ATP6V1C2: variants seen among roughly 807,000 people sequenced by gnomAD.
ATP6V1C2 encodes the protein ATPase H+ transporting V1 subunit C2.
ATP6V1C2 carries 45 observed loss-of-function variants against 56.8 expected under a neutral mutation model. That is an observed-to-expected ratio of 0.79 (90% CI 0.62 to 1.02). The LOEUF (loss-of-function observed/expected upper bound fraction) is 1.02, where lower values mean the gene tolerates loss of function less well. Ranked by LOEUF, ATP6V1C2 falls within the 50% of genes least tolerant of loss-of-function variation. The pLI is 0.00. For synonymous variants in ATP6V1C2, 220 were observed against 201.3 expected, an observed-to-expected ratio of 1.09 and a Z score of -0.79; for missense variants, 463 against 519.7, an observed-to-expected ratio of 0.89 and a Z score of 1.06.
At chr2:10,752,083 C>G (rs73169973) in intron 3 of ATP6V1C2, among the ~76,000 whole-genome samples, 1 of 151,790 alleles carries the variant, frequency 6.6e-6, no homozygotes, top group African/African-American at 2.4e-5. Flanking sequence ...ACAACAACAA[C>G]AAAAAAACCT....
chr2:10,759,985 T>C (rs1663803503), intron 4 of ATP6V1C2, among the ~76,000 whole-genome samples: 1 of 151,900 alleles, frequency 6.6e-6, no homozygotes, highest in African/African-American at 2.4e-5. Context: ...TTCATTGGCT[T>C]GTGGTGAAAT....
At chr2:10,754,484 C>T (rs1453717001) in intron 4 of ATP6V1C2, among the ~76,000 whole-genome samples, 1 of 152,044 alleles carries the variant, frequency 6.6e-6, no homozygotes, top group Non-Finnish European at 1.5e-5. Context: ...CCTCAGCCTC[C>T]CAAAGTACTG....
chr2:10,755,879 T>TTC (rs1663527278), intron 4 of ATP6V1C2, among the ~76,000 whole-genome samples: 1 of 152,248 alleles, frequency 6.6e-6, no homozygotes, highest in South Asian at 2.1e-4. Flanking sequence ...TTCGTGCTGA[T>TTC]GGGACGAACC....
At chr2:10,742,099 A>G (rs374163669) in intron 3 of ATP6V1C2, among the ~76,000 whole-genome samples, 124 of 152,228 alleles carry the variant, frequency 8.1e-4, no homozygotes, top group African/African-American at 3.0e-3. Context: ...TAGTAGAGAC[A>G]GGGTTTGGCC....
Position 10,782,381 on chromosome 2 carries a change from TATCC to T in ATP6V1C2, c.1194+8_1194+11del. On this transcript the variant is annotated splice_region_variant and intron_variant, in intron 13 of 13. Transcript: ENST00000272238. ...CCGCTACAAGTATACTGGATGTAGGTATCCAGAAACAGCAGTATTTCTACAGTAA... is the reference window on the plus strand; with the variant it reads ...CCGCTACAAGTATACTGGATGTAGGTAGAAACAGCAGTATTTCTACAGTAA... The T allele has an allele frequency of 6.2e-7, 1 of 1,613,042 alleles. No homozygotes were observed.
chr2:10,737,973 G>GA (rs1662350134), intron 3 of ATP6V1C2, among the ~76,000 whole-genome samples: 1 of 152,144 alleles, frequency 6.6e-6, no homozygotes, highest in African/African-American at 2.4e-5. Context: ...TTACAGGTGT[G>GA]AGCCCCGGCG....
In ATP6V1C2 at chr2:10,777,694, G is replaced by A. The variant is rs769964374; in HGVS notation, c.935G>A (p.Arg312Lys). ...PDRPAAGQTD[R>K]ERESEGEGEG... is the part of the protein sequence containing the mutation. ...AGGCCTGCTGCGGGGCAGACCGACA[G>A]AGAGAGAGAGAGTGAGGGCGAGGGT... The change falls in exon 11 of 14, where the codon AGA becomes AAA. Residue 312 changes from arginine to lysine, a missense_variant. Arg to Lys is a conservative substitution (Grantham distance 26, BLOSUM62 2). Transcript: ENST00000272238. 2 of 1,435,904 alleles carry A rather than the reference G, an allele frequency of 1.4e-6. No individual in the cohort carries two copies. Among genetic ancestry groups the A allele is most frequent in the Non-Finnish European group, 1.9e-6 (2 of 1,058,914 alleles). The allele number at this position is 1,435,904 out of a possible 1,614,324, so 88.9% of individuals were successfully genotyped here.
At chr2:10,748,227 G>A (rs1029089883) in intron 3 of ATP6V1C2, among the ~76,000 whole-genome samples, 1 of 152,100 alleles carries the variant, frequency 6.6e-6, no homozygotes, top group African/African-American at 2.4e-5. Flanking sequence ...AGTTTTTTAA[G>A]TGTTTAGGTC....
At position 10,764,345 on chromosome 2, in the gene ATP6V1C2, T is replaced by G. The variant is rs780967250; in HGVS notation, c.298T>G (p.Phe100Val). Residue 100 changes from phenylalanine to valine, a missense_variant, in exon 5 of 14, where the codon TTT becomes GTT. Physicochemically the swap from Phe to Val is conservative, Grantham distance 50. Coordinates refer to ENST00000272238, the MANE Select transcript of ATP6V1C2 (RefSeq NM_001039362.2). The stretch of plus-strand genomic sequence containing the variant: ...TATTCTTCCAGTTGACTTAACATCC[T>G]TTGTGACCCACTTTGAATGGGACAT... ...LLANGVDLTSFVTHFEWDMAK... is the reference protein window; with the variant it reads ...LLANGVDLTSVVTHFEWDMAK... 1.6e-5 allele frequency: 26 copies of G among 1,613,634 alleles called. No homozygotes were observed. Among genetic ancestry groups the G allele is most frequent in the Non-Finnish European group, 2.0e-5 (24 of 1,179,600 alleles).
At chr2:10,771,687 C>A in intron 6 of ATP6V1C2, 152 bp from the exon 7 acceptor site, 1 of 671,006 alleles carries the variant, frequency 1.5e-6, no homozygotes. Flanking sequence ...GCAATCATTG[C>A]TGAGAATTGC....
chr2:10,733,813 A>AGTGCTTCCCCTGTCGTTGCTTGCCCCTGT (rs1662101771), intron 3 of ATP6V1C2, among the ~76,000 whole-genome samples: 1 of 145,800 alleles, frequency 6.9e-6, no homozygotes, highest in African/African-American at 2.6e-5. Flanking sequence ...CTTGCCCCTA[A>AGTGCTTCCCCTGTCGTTGCTTGCCCCTGT]GTGCTTCCCC....
intron 5 of ATP6V1C2, among the ~76,000 whole-genome samples, chr2:10,767,485 TCTCA>T (rs1664300139): frequency 6.6e-6 from 1 of 151,370 alleles, no homozygotes; most frequent in Non-Finnish European, 1.5e-5. Flanking sequence ...TGAGACAGAG[TCTCA>T]CTCTGTCACC....
intron 10 of ATP6V1C2, among the ~76,000 whole-genome samples, chr2:10,775,847 G>C (rs1278743404): frequency 2.0e-5 from 3 of 152,208 alleles, no homozygotes; most frequent in Admixed American, 6.5e-5. Flanking sequence ...CACCAGGGAG[G>C]GTTCCGTGAG....
At chr2:10,740,101 AAAG>A (rs1395774149) in intron 3 of ATP6V1C2, among the ~76,000 whole-genome samples, 5 of 151,622 alleles carry the variant, frequency 3.3e-5, no homozygotes, top group South Asian at 4.2e-4. Context: ...AAAAAAAAAA[AAAG>A]AAAAGAAAGT....
chr2:10,750,671 G>A (rs374454180), intron 3 of ATP6V1C2, among the ~76,000 whole-genome samples: 7 of 152,290 alleles, frequency 4.6e-5, no homozygotes, highest in South Asian at 4.1e-4. Context: ...TGATTCATTC[G>A]GCAGACATTG....
In ATP6V1C2 at chr2:10,772,573, G is replaced by C. The variant is rs771576322; in HGVS notation, c.601G>C (p.Glu201Gln). 4 of 1,614,082 alleles carry C rather than the reference G, an allele frequency of 2.5e-6. No homozygotes were observed. The highest frequency in any genetic ancestry group is 3.4e-6 in the Non-Finnish European group (4 of 1,179,990). Residue 201 changes from glutamate (E) to glutamine (Q), a missense_variant, in exon 8 of 14, where the codon GAA becomes CAA. By Grantham distance (29) the Glu-to-Gln change is conservative (BLOSUM62 2). Coordinates refer to ENST00000272238, the MANE Select transcript of ATP6V1C2 (RefSeq NM_001039362.2). ...CTACTCACAATGGCAAAAAACCTACGAATCTCTCTCAGACATGGTGGTCCC... is the reference window on the plus strand; with the variant it reads ...CTACTCACAATGGCAAAAAACCTACCAATCTCTCTCAGACATGGTGGTCCC... ...PNYSQWQKTYESLSDMVVPRS... is the reference protein window; with the variant it reads ...PNYSQWQKTYQSLSDMVVPRS...
chr2:10,726,929 AG>A (rs1558383832), intron 3 of ATP6V1C2, among the ~76,000 whole-genome samples: 1 of 152,174 alleles, frequency 6.6e-6, no homozygotes, highest in Non-Finnish European at 1.5e-5. Flanking sequence ...CTACAAAAAG[AG>A]GCCCGGGGCA....
chr2:10,756,286 G>C (rs1465296525), intron 4 of ATP6V1C2, among the ~76,000 whole-genome samples: 1 of 151,966 alleles, frequency 6.6e-6, no homozygotes, highest in Non-Finnish European at 1.5e-5. Flanking sequence ...CTTGAACCCG[G>C]GAGGCAGAGG....
At chr2:10,751,990 T>C (rs1039488715) in intron 3 of ATP6V1C2, among the ~76,000 whole-genome samples, 4 of 151,106 alleles carry the variant, frequency 2.6e-5, no homozygotes, top group Admixed American at 2.6e-4. Context: ...GTCTGGGAGG[T>C]CAAGGCTGCA....
Sources: gnomAD v4.1 joint callset for allele counts (sites outside exome capture counted in the v4.1 genomes callset) on GRCh38, gnomAD v4.1.1 for gene constraint, MANE v1.5 for transcripts, NCBI Gene and HGNC (gene_info 2026-07-23, HGNC 2026-07-21) for gene names.